The following SAMMSON variants were observed in gnomAD, a reference collection of about 807,000 sequenced individuals.
The protein encoded by SAMMSON is long intergenic non-protein coding RNA 1212.
intron 9 of SAMMSON, among the ~76,000 whole-genome samples, chr3:70,377,125 G>T (rs926189519): frequency 6.6e-6 from 1 of 152,106 alleles, no homozygotes. Flanking sequence ...TTTAAAAGTT[G>T]TTTGGAAAGA....
intron 3 of SAMMSON, among the ~76,000 whole-genome samples, chr3:70,017,795 C>G (rs572430958): frequency 1.3e-5 from 2 of 151,944 alleles, no homozygotes; most frequent in African/African-American, 4.8e-5. Flanking sequence ...TAGCATGAAG[C>G]GTTGTTGAAT....
intron 4 of SAMMSON, among the ~76,000 whole-genome samples, chr3:70,134,086 A>C (rs1406308285): frequency 5.9e-5 from 8 of 136,066 alleles, no homozygotes; most frequent in Admixed American, 5.8e-4. Flanking sequence ...TACTGAAAAT[A>C]CAAAAAAAAA....
intron 4 of SAMMSON, among the ~76,000 whole-genome samples, chr3:70,155,692 C>G (rs6549282): frequency 6.6e-6 from 1 of 151,756 alleles, no homozygotes; most frequent in Non-Finnish European, 1.5e-5. Context: ...TAATAACATA[C>G]AAGCCATTCT....
intron 4 of SAMMSON, chr3:70,204,808 G>C (rs1576154227): frequency 6.6e-6 from 1 of 152,194 alleles, no homozygotes; most frequent in East Asian, 1.9e-4. Context: ...GGTCAGATCA[G>C]AGTGATTCTG....
At chr3:70,189,067 G>GC (rs555723423) in intron 4 of SAMMSON, among the ~76,000 whole-genome samples, 6 of 151,932 alleles carry the variant, frequency 3.9e-5, no homozygotes, top group African/African-American at 1.5e-4. Flanking sequence ...GTAATATACC[G>GC]CCCCCAGCAC....
intron 4 of SAMMSON, among the ~76,000 whole-genome samples, chr3:70,148,601 T>G (rs1576135420): frequency 6.6e-6 from 1 of 151,852 alleles, no homozygotes; most frequent in African/African-American, 2.4e-5. Flanking sequence ...TGGCAGAAGG[T>G]GAAGGGGAGC....
intron 9 of SAMMSON, among the ~76,000 whole-genome samples, chr3:70,378,450 G>C (rs1373505742): frequency 1.3e-5 from 2 of 152,036 alleles, no homozygotes; most frequent in Non-Finnish European, 2.9e-5. Flanking sequence ...ATTATAGGAA[G>C]AAGGATGAGG....
chr3:70,080,216 C>A (rs1559786961), intron 4 of SAMMSON, among the ~76,000 whole-genome samples: 1 of 152,198 alleles, frequency 6.6e-6, no homozygotes, highest in Admixed American at 6.5e-5. Context: ...TTGTACAACC[C>A]TTCTAGGAGG....
At chr3:70,308,834 A>G (rs1702429109) in intron 7 of SAMMSON, among the ~76,000 whole-genome samples, 1 of 152,096 alleles carries the variant, frequency 6.6e-6, no homozygotes, top group Non-Finnish European at 1.5e-5. Flanking sequence ...TGTTGCTTGC[A>G]TGTTCACTCT....
At chr3:70,224,397 A>G (rs557689380) in intron 4 of SAMMSON, among the ~76,000 whole-genome samples, 1 of 152,212 alleles carries the variant, frequency 6.6e-6, no homozygotes, top group East Asian at 1.9e-4. Flanking sequence ...ATGTTCTCCT[A>G]CCTATTCTAG....
intron 7 of SAMMSON, among the ~76,000 whole-genome samples, chr3:70,317,876 G>A (rs1291440391): frequency 6.6e-6 from 1 of 151,624 alleles, no homozygotes; most frequent in African/African-American, 2.4e-5. Context: ...GTCTAAAAAT[G>A]TCTTTAGTTC....
chr3:70,217,001 C>T (rs937311051), intron 4 of SAMMSON, among the ~76,000 whole-genome samples: 2 of 152,120 alleles, frequency 1.3e-5, no homozygotes, highest in Non-Finnish European at 2.9e-5. Context: ...ATCTCATAGC[C>T]CTGATCACCA....
chr3:70,414,014 G>A (rs1701242977), intron 2 of SAMMSON, among the ~76,000 whole-genome samples: 1 of 152,006 alleles, frequency 6.6e-6, no homozygotes, highest in African/African-American at 2.4e-5. Context: ...GGAGTATGTA[G>A]TCTTTTGTAG....
intron 3 of SAMMSON, among the ~76,000 whole-genome samples, chr3:70,058,741 A>G (rs1432067732): frequency 6.6e-6 from 1 of 152,114 alleles, no homozygotes; most frequent in Non-Finnish European, 1.5e-5. Context: ...GAGGCCTGCA[A>G]TTGATCACTT....
chr3:70,029,480 G>A (rs904502339), intron 3 of SAMMSON, among the ~76,000 whole-genome samples: 6 of 152,066 alleles, frequency 3.9e-5, no homozygotes, highest in African/African-American at 7.2e-5. Flanking sequence ...TTGGCGGGGC[G>A]TGGTAGCTCA....
chr3:70,205,985 T>G (rs1002284739), intron 4 of SAMMSON: 5 of 152,022 alleles, frequency 3.3e-5, no homozygotes, highest in African/African-American at 1.2e-4. Context: ...CCAAAACAAT[T>G]TGAAATTGGC....
At chr3:70,299,447 G>A (rs182070386) in intron 7 of SAMMSON, among the ~76,000 whole-genome samples, 24 of 151,960 alleles carry the variant, frequency 1.6e-4, no homozygotes, top group Admixed American at 5.9e-4. Context: ...GATAACTTAC[G>A]TAAAGCCACA....
intron 4 of SAMMSON, among the ~76,000 whole-genome samples, chr3:70,111,383 T>C (rs1481608325): frequency 1.3e-5 from 2 of 152,202 alleles, no homozygotes; most frequent in Admixed American, 1.3e-4. Context: ...GACGTATGCA[T>C]AGTTTTTAAA....
rs71126494 is a variant in SAMMSON, at chr3:70,336,814, TTGTGTGTGTGTGTGTGTG to T, written n.740-17334_740-17317del. On this transcript the variant is annotated intron_variant and non_coding_transcript_variant, in intron 7 of 9. Transcript: ENST00000642114. The stretch of plus-strand genomic sequence containing the variant: ...AGAAGAGTTAAACATAATAGAAAGT[TTGTGTGTGTGTGTGTGTG>T]TGTGTGTGTGTGTGTGTGTGTGTGT... Among the ~76,000 whole-genome samples the T allele has an allele frequency of 7.1e-5, 9 of 126,666 alleles. 1 individual carries two copies. The highest frequency in any genetic ancestry group is 4.7e-4 in the East Asian group (2 of 4,252). 83.1% of individuals were successfully genotyped at this position (126,666 alleles called of 152,430 possible).
Sources: gnomAD v4.1 joint callset for allele counts (sites outside exome capture counted in the v4.1 genomes callset) on GRCh38, gnomAD v4.1.1 for gene constraint, MANE v1.5 for transcripts, NCBI Gene and HGNC (gene_info 2026-07-23, HGNC 2026-07-21) for gene names.